The following GSTCD variants were observed in gnomAD, a reference collection of about 807,000 sequenced individuals.
GSTCD encodes glutathione S-transferase C-terminal domain-containing protein.
In GSTCD, 44 loss-of-function variants were observed where a neutral mutation model predicts 68.3. That is an observed-to-expected ratio of 0.64 (90% confidence interval 0.51 to 0.83). GSTCD has a LOEUF of 0.83. Ranked by LOEUF, GSTCD falls within the 40% of genes least tolerant of loss-of-function variation. The pLI is 0.00. For missense variants in GSTCD, 739 were observed against 735.9 expected (o/e 1.00, Z -0.05); for synonymous variants, 273 against 255.2 (o/e 1.07, Z -0.67).
intron 4 of GSTCD, among the ~76,000 whole-genome samples, chr4:105,728,183 T>C (rs1733104296): frequency 6.6e-6 from 1 of 152,186 alleles, no homozygotes; most frequent in Non-Finnish European, 1.5e-5. Context: ...CAACTACTTT[T>C]GGAAATGATG....
In GSTCD at chr4:105,732,355, G is replaced by A. The variant is rs969128076; in HGVS notation, c.1240+2856G>A. On this transcript the variant is annotated intron_variant, in intron 5 of 11. Coordinates refer to ENST00000515279, the MANE Select transcript of GSTCD (RefSeq NM_001370181.1). Reference sequence around the variant, plus strand: ...TTTGGTTGGTAGGCTATTAATTATTGCCTCAATTTCAGAGCCTGTTATTGG... The same window carrying A: ...TTTGGTTGGTAGGCTATTAATTATTACCTCAATTTCAGAGCCTGTTATTGG... Among the ~76,000 whole-genome samples the A allele has an allele frequency of 3.3e-5, 5 of 152,092 alleles. No individual in the cohort carries two copies. The South Asian group carries it at 8.3e-4, about 25-fold the overall frequency.
chr4:105,783,574 A>G (rs6826631), intron 5 of GSTCD, among the ~76,000 whole-genome samples: 31,290 of 151,552 alleles, frequency 0.21, 6,609 homozygotes, highest in African/African-American at 0.54. Context: ...CTCCCTCTGT[A>G]TATGTGTGTA....
intron 5 of GSTCD, among the ~76,000 whole-genome samples, chr4:105,744,976 T>C (rs1560807467): frequency 6.6e-6 from 1 of 152,218 alleles, no homozygotes; most frequent in Non-Finnish European, 1.5e-5. Context: ...ATCTATATCT[T>C]TTATCCATCT....
At chr4:105,796,474 T>C (rs540089828) in intron 5 of GSTCD, among the ~76,000 whole-genome samples, 1 of 152,324 alleles carries the variant, frequency 6.6e-6, no homozygotes, top group Non-Finnish European at 1.5e-5. Flanking sequence ...TTTTAGCTGA[T>C]TTTTATGTTT....
chr4:105,808,202 C>A (rs1319686946), intron 5 of GSTCD, among the ~76,000 whole-genome samples: 1 of 152,034 alleles, frequency 6.6e-6, no homozygotes, highest in East Asian at 1.9e-4. Context: ...AGTAGAATAA[C>A]CCCTTATCAG....
intron 5 of GSTCD, among the ~76,000 whole-genome samples, chr4:105,775,624 G>C (rs1393303888): frequency 6.6e-6 from 1 of 152,152 alleles, no homozygotes; most frequent in Admixed American, 6.5e-5. Context: ...AGGTCTGCTG[G>C]AGTTTGCTGG....
intron 5 of GSTCD, among the ~76,000 whole-genome samples, chr4:105,771,052 A>G (rs1393653251): frequency 6.6e-6 from 1 of 152,088 alleles, no homozygotes; most frequent in Non-Finnish European, 1.5e-5. Context: ...TGACTTTTTA[A>G]TGATCGCCAT....
intron 7 of GSTCD, among the ~76,000 whole-genome samples, chr4:105,825,361 C>A (rs1199988882): frequency 6.6e-6 from 1 of 152,184 alleles, no homozygotes; most frequent in Non-Finnish European, 1.5e-5. Flanking sequence ...AGTTCCTGAC[C>A]TCAAGTGATC....
At chr4:105,729,233 A>T (rs1160958227) in intron 4 of GSTCD, among the ~76,000 whole-genome samples, 173 bp from the exon 5 acceptor site, 4 of 152,172 alleles carry the variant, frequency 2.6e-5, no homozygotes, top group Non-Finnish European at 5.9e-5. Flanking sequence ...ATGTCAAAAT[A>T]CTCAACACAT....
rs984783851 is a variant in GSTCD at position 105,788,328 on chromosome 4, G to A, written c.1241-34626G>A. Among the ~76,000 whole-genome samples the A allele has an allele frequency of 1.2e-4, 12 of 102,558 alleles. No homozygotes were observed. The African/African-American group carries it at 1.4e-3, about 12-fold the overall frequency. 67.3% of individuals were successfully genotyped at this position (102,558 alleles called of 152,430 possible). A position where few individuals can be genotyped will look rare whatever the true frequency, so the allele number is the denominator to read the frequency against. On this transcript the variant is annotated intron_variant, in intron 5 of 11. Transcript: ENST00000515279. ...TTTCTACTTGTCCATTTTACAAATAGTTAAACCAGTTTTCCCAAAGTCACA... is the reference window on the plus strand; with the variant it reads ...TTTCTACTTGTCCATTTTACAAATAATTAAACCAGTTTTCCCAAAGTCACA...
chr4:105,775,147 C>A (rs190123838), intron 5 of GSTCD, among the ~76,000 whole-genome samples: 33 of 152,218 alleles, frequency 2.2e-4, no homozygotes, highest in African/African-American at 6.7e-4. Context: ...ATTGATTAGG[C>A]TATTGATACT....
intron 5 of GSTCD, among the ~76,000 whole-genome samples, chr4:105,739,571 T>A (rs1197770063): frequency 6.6e-6 from 1 of 152,210 alleles, no homozygotes; most frequent in Admixed American, 6.5e-5. Context: ...GGTAGGACAC[T>A]GCTTCAATAG....
chr4:105,805,429 G>A (rs1009304419), intron 5 of GSTCD, among the ~76,000 whole-genome samples: 6 of 151,908 alleles, frequency 3.9e-5, no homozygotes, highest in African/African-American at 1.5e-4. Context: ...ATTTTGAAAG[G>A]TTTTCTAATA....
At chr4:105,795,074 C>T (rs1022556826) in intron 5 of GSTCD, among the ~76,000 whole-genome samples, 3 of 151,972 alleles carry the variant, frequency 2.0e-5, no homozygotes, top group Non-Finnish European at 2.9e-5. Context: ...CAGGGTTTCA[C>T]CATGTTGGCC....
chr4:105,795,419 G>A (rs1735846386), intron 5 of GSTCD, among the ~76,000 whole-genome samples: 1 of 151,990 alleles, frequency 6.6e-6, no homozygotes, highest in East Asian at 1.9e-4. Flanking sequence ...GGTGTTTATT[G>A]TTGGGATGAG....
intron 9 of GSTCD, among the ~76,000 whole-genome samples, chr4:105,836,422 G>C (rs924606789): frequency 6.6e-6 from 1 of 152,128 alleles, no homozygotes; most frequent in African/African-American, 2.4e-5. Flanking sequence ...GCCATTTCTG[G>C]GTTGATGGTG....
At chr4:105,724,364 C>A (rs1732964115) in intron 3 of GSTCD, among the ~76,000 whole-genome samples, 1 of 151,288 alleles carries the variant, frequency 6.6e-6, no homozygotes, top group Non-Finnish European at 1.5e-5. Context: ...TAAAATTTTT[C>A]TAATTTGAAA....
chr4:105,785,841 A>G (rs539028108), intron 5 of GSTCD, among the ~76,000 whole-genome samples: 1 of 152,326 alleles, frequency 6.6e-6, no homozygotes, highest in South Asian at 2.1e-4. Flanking sequence ...ATGATCTTCT[A>G]TACAGAAAAT....
intron 5 of GSTCD, among the ~76,000 whole-genome samples, chr4:105,794,907 C>G (rs930897328): frequency 6.6e-6 from 1 of 151,566 alleles, no homozygotes; most frequent in African/African-American, 2.4e-5. Context: ...GACAGAGTCT[C>G]ACTCTGTCGC....
Sources: gnomAD v4.1 joint callset for allele counts (sites outside exome capture counted in the v4.1 genomes callset) on GRCh38, gnomAD v4.1.1 for gene constraint, MANE v1.5 for transcripts, NCBI Gene and HGNC (gene_info 2026-07-23, HGNC 2026-07-21) for gene names.